Variants in USP54 observed in about 807,000 individuals in gnomAD.
The protein encoded by USP54 is ubiquitin carboxyl-terminal hydrolase 54.
A neutral mutation model predicts 170.5 loss-of-function variants in USP54; 87 were observed. The ratio of observed to expected loss-of-function variants is 0.51; its 90% CI spans 0.43 to 0.61. The LOEUF is 0.61. USP54 is among the 20% of genes least tolerant of loss of function. USP54 has a pLI of 0.00. For missense variants in USP54, 1,786 were observed against 2,047.8 expected (o/e 0.87, Z 2.47); for synonymous variants, 655 against 742.8 (o/e 0.88, Z 1.92).
At chr10:73,562,700 G>A (rs1278674095) in intron 4 of USP54, among the ~76,000 whole-genome samples, 1 of 152,084 alleles carries the variant, frequency 6.6e-6, no homozygotes, top group Non-Finnish European at 1.5e-5. Context: ...AGTGTAGTTG[G>A]AATGTGTTAT....
At chr10:73,543,174 T>C (rs774727259) in intron 5 of USP54, 43 bp from the exon 6 acceptor site, 13 of 1,349,250 alleles carry the variant, frequency 9.6e-6, no homozygotes, top group Admixed American at 1.7e-5. Flanking sequence ...CAATATTTAA[T>C]AGACAAATAC....
At position 73,560,089 on chromosome 10, in the gene USP54, A is replaced by T. The variant is rs1033743665; in HGVS notation, c.240+11332T>A. On this transcript the variant is annotated intron_variant, in intron 4 of 23. Transcript: ENST00000687698. ...AACAGATCTTAAGGATTCAGCAAAA[A>T]GGAATTCTTATTAGCCTCATCAAAC... is the stretch of plus-strand genomic sequence containing the variant. 4.6e-5 allele frequency among the ~76,000 whole-genome samples: 7 copies of T among 152,286 alleles called. No individual in the cohort carries two copies. In the East Asian group the frequency reaches 1.3e-3, roughly 29 times the overall value.
At chr10:73,589,726 A>C (rs2077998045) in intron 1 of USP54, among the ~76,000 whole-genome samples, 1 of 152,186 alleles carries the variant, frequency 6.6e-6, no homozygotes, top group Non-Finnish European at 1.5e-5. Context: ...CTGTTGGGAG[A>C]ACACTGGTAC....
intron 4 of USP54, among the ~76,000 whole-genome samples, chr10:73,556,294 C>T (rs2070985661): frequency 6.6e-6 from 1 of 150,734 alleles, no homozygotes; most frequent in Non-Finnish European, 1.5e-5. Context: ...CTACAATCTG[C>T]AAAAGAAAGG....
At chr10:73,548,970 T>C (rs1362329267) in intron 4 of USP54, among the ~76,000 whole-genome samples, 1 of 152,222 alleles carries the variant, frequency 6.6e-6, no homozygotes, top group Non-Finnish European at 1.5e-5. Context: ...TTTATAAACC[T>C]ACCTATGTGA....
At chr10:73,524,985 T>C (rs1021266896) in intron 16 of USP54, among the ~76,000 whole-genome samples, 1 of 152,200 alleles carries the variant, frequency 6.6e-6, no homozygotes, top group Non-Finnish European at 1.5e-5. Context: ...ATTTGTAAAA[T>C]GTCCACAGCA....
chr10:73,580,074 A>T (rs912906537), intron 1 of USP54, among the ~76,000 whole-genome samples: 1 of 152,182 alleles, frequency 6.6e-6, no homozygotes, highest in Admixed American at 6.5e-5. Flanking sequence ...CTGTAATCCC[A>T]GCACTTTGGG....
At position 73,547,911 on chromosome 10, in the gene USP54, C is replaced by T. The variant is rs570571924; in HGVS notation, c.241-2239G>A. On this transcript the variant is annotated intron_variant, in intron 4 of 23. Coordinates refer to ENST00000687698, the MANE Select transcript of USP54 (RefSeq NM_001391956.1). ...CTAATTAAACTAAAGAGCTTCTGCA[C>T]AGCAAAAGAAACTACCATCAGAGTG... 6.6e-5 allele frequency among the ~76,000 whole-genome samples: 10 copies of T among 152,192 alleles called. No individual in the cohort carries two copies. The South Asian group carries it at 1.2e-3, about 19-fold the overall frequency.
At position 73,620,678 on chromosome 10, in the gene USP54, C is replaced by T. The variant is rs537866763; in HGVS notation, c.-18+4889G>A. ...GGGGGCCGGGAGTGGTGGCTCACGC[C>T]TGTAATCCCAGCACTTTGGGAGGCC... is the stretch of plus-strand genomic sequence containing the variant. On this transcript the variant is annotated intron_variant, in intron 1 of 22. Coordinates refer to the USP54 transcript ENST00000339859. Among the ~76,000 whole-genome samples, 123 of 150,404 alleles carry T rather than the reference C, an allele frequency of 8.2e-4. 3 individuals are homozygous for T. The East Asian group carries it at 0.012, about 14-fold the overall frequency.
At chr10:73,611,009 G>C (rs2080096719) in intron 1 of USP54, among the ~76,000 whole-genome samples, 1 of 152,094 alleles carries the variant, frequency 6.6e-6, no homozygotes, top group South Asian at 2.1e-4. Context: ...CTTATCTATA[G>C]AGAATATTTA....
chr10:73,562,722 T>C (rs1000858522), intron 4 of USP54, among the ~76,000 whole-genome samples: 2 of 152,220 alleles, frequency 1.3e-5, no homozygotes, highest in African/African-American at 4.8e-5. Context: ...TCCATTTTTC[T>C]ACAATCTCAA....
At chr10:73,539,160 T>C (rs2065971151) in intron 10 of USP54, among the ~76,000 whole-genome samples, 1 of 151,234 alleles carries the variant, frequency 6.6e-6, no homozygotes, top group Non-Finnish European at 1.5e-5. Context: ...GCGCATGTAC[T>C]CCCAGCTACT....
chr10:73,610,498 C>A (rs962292445), intron 1 of USP54, among the ~76,000 whole-genome samples: 3 of 152,010 alleles, frequency 2.0e-5, no homozygotes, highest in Non-Finnish European at 2.9e-5. Context: ...GGCACACACA[C>A]CTGTAGTCCC....
upstream of USP54, among the ~76,000 whole-genome samples, chr10:73,594,747 A>G (rs1777880340): frequency 6.6e-6 from 1 of 152,118 alleles, no homozygotes; most frequent in African/African-American, 2.4e-5. Context: ...GTTAAACTGG[A>G]GTTCTAGCAA....
intron 3 of USP54, among the ~76,000 whole-genome samples, chr10:73,573,759 T>C (rs2075656838): frequency 6.6e-6 from 1 of 152,152 alleles, no homozygotes; most frequent in Admixed American, 6.5e-5. Context: ...AGTGAGACTC[T>C]GTCTGAAAAA....
chr10:73,546,165 T>C (rs1327303889), intron 4 of USP54, among the ~76,000 whole-genome samples: 5 of 152,186 alleles, frequency 3.3e-5, no homozygotes, highest in Non-Finnish European at 7.3e-5. Flanking sequence ...AAATAAACAT[T>C]CTATCATGTT....
intron 4 of USP54, among the ~76,000 whole-genome samples, chr10:73,554,402 T>C (rs1229045112): frequency 6.6e-6 from 1 of 152,212 alleles, no homozygotes; most frequent in African/African-American, 2.4e-5. Flanking sequence ...AGAACTTAAT[T>C]GGCCAGTCTG....
rs915365454 is a variant in USP54 at position 73,537,741 on chromosome 10, A to C, written c.976-1304T>G. The C allele has an allele frequency of 5.0e-5, 7 of 140,530 alleles. No individual in the cohort carries two copies. In the East Asian group the frequency reaches 9.3e-4, roughly 19 times the overall value. The allele number at this position is 140,530 out of a possible 1,614,324, so 8.7% of individuals were successfully genotyped here. A position where few individuals can be genotyped will look rare whatever the true frequency, so the allele number is the denominator to read the frequency against. ...TAGAGTGTTCCTACTCAAATCAATC[A>C]ACACACACATTAAAAAAAAAAAAAA... On this transcript the variant is annotated intron_variant, in intron 10 of 23. Transcript: ENST00000687698.
At chr10:73,558,173 C>A (rs1213132897) in intron 4 of USP54, among the ~76,000 whole-genome samples, 3 of 152,088 alleles carry the variant, frequency 2.0e-5, no homozygotes, top group Non-Finnish European at 4.4e-5. Context: ...AGCCACCACG[C>A]CCAATCTTCA....
Sources: allele counts gnomAD v4.1 joint callset (sites outside exome capture counted in the v4.1 genomes callset), GRCh38; gene constraint gnomAD v4.1.1; transcripts MANE v1.5; gene names NCBI Gene and HGNC (gene_info 2026-07-23, HGNC 2026-07-21).